Variants in IGF1R observed in about 807,000 individuals in gnomAD.
The protein encoded by IGF1R is insulin like growth factor 1 receptor, also known as insulin-like growth factor 1 receptor.
Under a neutral mutation model 144.6 loss-of-function variants are expected in IGF1R, and 44 were observed. The observed-to-expected ratio is 0.30, with a 90% CI of 0.24 to 0.39. IGF1R has a LOEUF of 0.39. Ranked by LOEUF, IGF1R falls within the 10% of genes least tolerant of loss-of-function variation. IGF1R has a pLI of 1.00. For synonymous variants in IGF1R, 795 were observed against 722.8 expected (o/e 1.10, Z -1.60); for missense variants, 1,355 against 1,833.7 (o/e 0.74, Z 4.77).
intron 1 of IGF1R, among the ~76,000 whole-genome samples, chr15:98,650,285 CCCTCGGGCT>C (rs945404371): frequency 1.3e-5 from 2 of 152,210 alleles, no homozygotes; most frequent in African/African-American, 2.4e-5. Flanking sequence ...GTGCTTTTGC[CCCTCGGGCT>C]CCTCGGGTTC....
intron 2 of IGF1R, among the ~76,000 whole-genome samples, chr15:98,710,297 C>T (rs1380432820): frequency 2.6e-5 from 4 of 152,112 alleles, no homozygotes; most frequent in Non-Finnish European, 4.4e-5. Flanking sequence ...AACTGCTTTC[C>T]GGGAAATTGA....
At chr15:98,656,769 A>G (rs780278160) in intron 1 of IGF1R, among the ~76,000 whole-genome samples, 9 of 152,138 alleles carry the variant, frequency 5.9e-5, no homozygotes, top group Non-Finnish European at 1.3e-4. Context: ...ACATAATACG[A>G]ATGCCGTTTG....
intron 1 of IGF1R, among the ~76,000 whole-genome samples, chr15:98,656,820 A>G (rs1432058000): frequency 6.6e-6 from 1 of 152,172 alleles, no homozygotes; most frequent in Non-Finnish European, 1.5e-5. Flanking sequence ...CATCGTCCAA[A>G]TTCTGCGAGT....
intron 1 of IGF1R, among the ~76,000 whole-genome samples, chr15:98,657,266 C>G (rs2052508497): frequency 6.6e-6 from 1 of 152,192 alleles, no homozygotes; most frequent in African/African-American, 2.4e-5. Flanking sequence ...TTCAAAGCGT[C>G]TTAGTGACCT....
chr15:98,725,229 G>T (rs72767972), intron 2 of IGF1R, among the ~76,000 whole-genome samples: 5,168 of 152,254 alleles, frequency 0.034, 135 homozygotes, highest in African/African-American at 0.069. Context: ...GGTGGAATCA[G>T]AGCAGTAGCA....
chr15:98,664,774 C>T (rs893593940), intron 1 of IGF1R, among the ~76,000 whole-genome samples: 4 of 151,020 alleles, frequency 2.6e-5, no homozygotes, highest in Non-Finnish European at 4.4e-5. Flanking sequence ...TTTCTTAGAA[C>T]CTAGGGTTTA....
chr15:98,917,538 C>T (rs1385870139), intron 10 of IGF1R, among the ~76,000 whole-genome samples: 9 of 152,194 alleles, frequency 5.9e-5, no homozygotes, highest in Non-Finnish European at 1.3e-4. Flanking sequence ...GGAAAGTAAA[C>T]GTTCATAGCA....
chr15:98,875,216 C>CAAA (rs11302100), intron 2 of IGF1R, among the ~76,000 whole-genome samples: 7 of 149,856 alleles, frequency 4.7e-5, no homozygotes, highest in Non-Finnish European at 4.5e-5. Flanking sequence ...TGAAGAAGGC[C>CAAA]AAAAAAAAAA....
chr15:98,761,476 G>C (rs1237899302), intron 2 of IGF1R, among the ~76,000 whole-genome samples: 1 of 152,194 alleles, frequency 6.6e-6, no homozygotes, highest in African/African-American at 2.4e-5. Context: ...AGAGGACAGG[G>C]CCAGGGATCA....
chr15:98,896,805 A>G lies in IGF1R; in HGVS notation c.1002A>G (p.Glu334=), dbSNP rs927421749. The G allele has an allele frequency of 6.2e-7, 1 of 1,614,120 alleles. No individual in the cohort carries two copies. The highest frequency in any genetic ancestry group is 8.5e-7 in the Non-Finnish European group (1 of 1,179,978). ...CEGPCPKVCE[E]EKKTKTIDSV... is the part of the protein sequence containing the mutation. Reference sequence around the variant, plus strand: ...GTCCTTGCCCGAAGGTCTGTGAGGAAGAAAAGAAAACAAAGACCATTGATT... The same window carrying G: ...GTCCTTGCCCGAAGGTCTGTGAGGAGGAAAAGAAAACAAAGACCATTGATT... The change falls in exon 4 of 21, where the codon GAA becomes GAG. Residue 334 remains glutamate, a synonymous_variant. Coordinates refer to ENST00000650285, the MANE Select transcript of IGF1R (RefSeq NM_000875.5).
chr15:98,952,619 G>A (rs2151731698), intron 20 of IGF1R, among the ~76,000 whole-genome samples: 3 of 152,236 alleles, frequency 2.0e-5, no homozygotes, highest in African/African-American at 7.2e-5. Context: ...CTTTCTCTTT[G>A]ACTCGGGTAA....
At chr15:98,683,190 G>A (rs904093931) in intron 1 of IGF1R, among the ~76,000 whole-genome samples, 1 of 152,044 alleles carries the variant, frequency 6.6e-6, no homozygotes, top group South Asian at 2.1e-4. Context: ...GTGGAATAGG[G>A]TTGATCTCAA....
rs1277129449 is a variant in IGF1R at position 98,649,190 on chromosome 15, A to T, written c.-392A>T. On this transcript the variant is annotated 5_prime_UTR_variant, in exon 1 of 21. Transcript: ENST00000650285. ...GCGTCCGGCCGCCTCCCGCGCGGCCAGGGCCGGGCTTGTTTTTCCTCGCCT... is the reference window on the plus strand; with the variant it reads ...GCGTCCGGCCGCCTCCCGCGCGGCCTGGGCCGGGCTTGTTTTTCCTCGCCT... The T allele has an allele frequency of 9.1e-6, 2 of 218,792 alleles. No individual in the cohort carries two copies. Among genetic ancestry groups the T allele is most frequent in the Admixed American group, 5.8e-5 (1 of 17,224 alleles). The allele number at this position is 218,792 out of a possible 1,614,324, so 13.6% of individuals were successfully genotyped here.
chr15:98,786,396 CAAAG>C (rs1379305756), intron 2 of IGF1R, among the ~76,000 whole-genome samples: 2 of 150,140 alleles, frequency 1.3e-5, no homozygotes, highest in Non-Finnish European at 3.0e-5. Context: ...TTTTATTAAA[CAAAG>C]AAGAAAACAC....
intron 2 of IGF1R, among the ~76,000 whole-genome samples, chr15:98,867,154 GGAGAGAGAGAGA>G (rs60863950): frequency 1.3e-4 from 19 of 146,140 alleles, no homozygotes; most frequent in African/African-American, 3.0e-4. Context: ...AGAGAAAGGG[GGAGAGAGAGAGA>G]GAGAGAGAGA....
intron 2 of IGF1R, among the ~76,000 whole-genome samples, chr15:98,831,700 G>A (rs561558650): frequency 6.6e-6 from 1 of 152,332 alleles, no homozygotes; most frequent in East Asian, 1.9e-4. Flanking sequence ...TTGGTGAGAA[G>A]GTATTGGGGG....
intron 2 of IGF1R, among the ~76,000 whole-genome samples, chr15:98,723,722 C>T (rs1350882011): frequency 6.6e-6 from 1 of 152,138 alleles, no homozygotes; most frequent in Non-Finnish European, 1.5e-5. Flanking sequence ...CTAACATCCC[C>T]GGGCCTGGAA....
At chr15:98,888,366 G>A (rs2013740125) in intron 2 of IGF1R, among the ~76,000 whole-genome samples, 1 of 152,030 alleles carries the variant, frequency 6.6e-6, no homozygotes, top group Non-Finnish European at 1.5e-5. Context: ...TGGACCTTGA[G>A]GTGACCTCTG....
chr15:98,702,888 G>A (rs1309114156), intron 1 of IGF1R, among the ~76,000 whole-genome samples: 2 of 152,172 alleles, frequency 1.3e-5, no homozygotes, highest in African/African-American at 4.8e-5. Context: ...ATTGAGCCAC[G>A]ATTGTGCTGC....
Sources: gnomAD v4.1 joint callset for allele counts (sites outside exome capture counted in the v4.1 genomes callset) on GRCh38, gnomAD v4.1.1 for gene constraint, MANE v1.5 for transcripts, NCBI Gene and HGNC (gene_info 2026-07-23, HGNC 2026-07-21) for gene names.